PIK3C2G: variants seen among roughly 807,000 people sequenced by gnomAD.
PIK3C2G encodes phosphatidylinositol 3-kinase C2 domain-containing subunit gamma.
In PIK3C2G, 168 loss-of-function variants were observed where a neutral mutation model predicts 181.1. The ratio of observed to expected loss-of-function variants is 0.93; its 90% CI spans 0.82 to 1.05. The LOEUF is 1.05. PIK3C2G is among the 50% of genes least tolerant of loss of function. PIK3C2G has a pLI of 0.00. For missense variants in PIK3C2G, 1,869 were observed against 1,732.8 expected (o/e 1.08, Z -1.40); for synonymous variants, 573 against 592.2 (o/e 0.97, Z 0.47).
chr12:18,292,572 T>C (rs1311525783), intron 4 of PIK3C2G, among the ~76,000 whole-genome samples: 2 of 152,012 alleles, frequency 1.3e-5, no homozygotes, highest in African/African-American at 2.4e-5. Context: ...AGAAAGACCA[T>C]AGGTTGGGTC....
intron 29 of PIK3C2G, among the ~76,000 whole-genome samples, chr12:18,591,184 C>T (rs1467961645): frequency 6.6e-6 from 1 of 151,854 alleles, no homozygotes; most frequent in Non-Finnish European, 1.5e-5. Context: ...TAAACAAGTT[C>T]ACAAGAGATC....
intron 30 of PIK3C2G, chr12:18,607,253 A>G: frequency 2.1e-6 from 1 of 486,164 alleles, no homozygotes; most frequent in Admixed American, 2.2e-5. Context: ...AAACTACTAG[A>G]AAGAAATAGT....
At position 18,282,395 on chromosome 12, in the gene PIK3C2G, C is replaced by A. The variant is rs757216107; in HGVS notation, c.314C>A (p.Pro105Gln). 2.5e-6 allele frequency: 4 copies of A among 1,613,270 alleles called. No homozygotes were observed. Among genetic ancestry groups the A allele is most frequent in the Non-Finnish European group, 3.4e-6 (4 of 1,179,418 alleles). ...TCCTGGCATCAAGTTAGCAAAGCACCAGCAATTGGTTTTAGTCCTTCTGTG... is the reference window on the plus strand; with the variant it reads ...TCCTGGCATCAAGTTAGCAAAGCACAAGCAATTGGTTTTAGTCCTTCTGTG... Reference protein sequence around the residue: ...ELSWHQVSKAPAIGFSPSVLP... With the variant: ...ELSWHQVSKAQAIGFSPSVLP... The change falls in exon 2 of 33, where the codon CCA (proline) becomes CAA (glutamine). Residue 105 changes from proline (P) to glutamine (Q), a missense_variant. Physicochemically the swap from Pro to Gln is moderately conservative, Grantham distance 76 (BLOSUM62 -1). Transcript: ENST00000538779.
At chr12:18,516,518 A>G (rs551617277) in intron 24 of PIK3C2G, among the ~76,000 whole-genome samples, 2 of 152,206 alleles carry the variant, frequency 1.3e-5, no homozygotes, top group South Asian at 4.1e-4. Flanking sequence ...ACAATGTCAT[A>G]GATTTGGAAA....
chr12:18,385,208 T>C (rs1193412058), intron 14 of PIK3C2G, among the ~76,000 whole-genome samples: 2 of 152,184 alleles, frequency 1.3e-5, no homozygotes, highest in African/African-American at 4.8e-5. Flanking sequence ...TAAGCCTACC[T>C]GACTTCACTT....
At chr12:18,702,464 T>C in the PIK3C2G span, among the ~76,000 whole-genome samples, 3 of 152,190 alleles carry the variant, frequency 2.0e-5, no homozygotes, top group Non-Finnish European at 2.9e-5. Flanking sequence ...CTCTGTTATA[T>C]ACAATGCTGA....
intron 17 of PIK3C2G, among the ~76,000 whole-genome samples, chr12:18,422,190 A>C (rs1945524078): frequency 6.6e-6 from 1 of 152,108 alleles, no homozygotes; most frequent in African/African-American, 2.4e-5. Flanking sequence ...TGTATAAGAC[A>C]GTGTGCACAC....
the PIK3C2G span, among the ~76,000 whole-genome samples, chr12:18,697,167 C>G: frequency 3.6e-4 from 54 of 152,068 alleles, no homozygotes; most frequent in Non-Finnish European, 4.9e-4. Flanking sequence ...AGTGACTCAT[C>G]ATGGGAGAAT....
At chr12:18,666,984 A>G in the PIK3C2G span, among the ~76,000 whole-genome samples, 1 of 152,228 alleles carries the variant, frequency 6.6e-6, no homozygotes, top group African/African-American at 2.4e-5. Flanking sequence ...GAAAGTAGCA[A>G]TCATGGCCTA....
the PIK3C2G span, among the ~76,000 whole-genome samples, chr12:18,717,265 G>A: frequency 6.6e-6 from 1 of 151,832 alleles, no homozygotes; most frequent in Admixed American, 6.6e-5. Flanking sequence ...AAAAATGAAT[G>A]GAAATTCCTA....
chr12:18,517,490 A>T (rs1942628592), intron 24 of PIK3C2G, among the ~76,000 whole-genome samples: 1 of 152,040 alleles, frequency 6.6e-6, no homozygotes, highest in Admixed American at 6.6e-5. Context: ...TTCTCTTTGT[A>T]GCAGTTGTGA....
At chr12:18,369,820 CAT>C (rs1480891117) in intron 12 of PIK3C2G, among the ~76,000 whole-genome samples, 1 of 13,932 alleles carries the variant, frequency 7.2e-5, no homozygotes, top group African/African-American at 3.8e-4. Context: ...GTATAATTGA[CAT>C]ATGATCATAT....
At chr12:18,591,533 A>C (rs1947080218) in intron 29 of PIK3C2G, among the ~76,000 whole-genome samples, 1 of 151,894 alleles carries the variant, frequency 6.6e-6, no homozygotes, top group Admixed American at 6.6e-5. Context: ...AAATATAGGA[A>C]GACAAGGAAG....
At chr12:18,676,986 T>G in the PIK3C2G span, among the ~76,000 whole-genome samples, 1 of 152,138 alleles carries the variant, frequency 6.6e-6, no homozygotes, top group Non-Finnish European at 1.5e-5. Context: ...ACAACTTTGT[T>G]GCTTACTGAA....
intron 20 of PIK3C2G, chr12:18,493,659 C>T (rs1940769537): frequency 6.6e-6 from 1 of 152,158 alleles, no homozygotes; most frequent in Non-Finnish European, 1.5e-5. Flanking sequence ...GATTGTGCAC[C>T]AGAGGGTTCA....
At chr12:18,391,329 C>T in intron 15 of PIK3C2G, 77 bp downstream of exon 15, 2 of 1,101,430 alleles carry the variant, frequency 1.8e-6, no homozygotes. Flanking sequence ...AGCATGATAG[C>T]TTCAAAGAGT....
intron 24 of PIK3C2G, among the ~76,000 whole-genome samples, chr12:18,528,065 A>G (rs1366431166): frequency 6.6e-6 from 1 of 152,102 alleles, no homozygotes; most frequent in African/African-American, 2.4e-5. Flanking sequence ...TCTTTCTATA[A>G]TAGTACATGC....
intron 22 of PIK3C2G, among the ~76,000 whole-genome samples, chr12:18,498,526 T>A (rs1941188702): frequency 6.6e-6 from 1 of 152,098 alleles, no homozygotes; most frequent in South Asian, 2.1e-4. Flanking sequence ...AACAAAGGGA[T>A]GAAATCATAG....
chr12:18,699,316 A>C, the PIK3C2G span, among the ~76,000 whole-genome samples: 3 of 152,046 alleles, frequency 2.0e-5, no homozygotes, highest in Non-Finnish European at 4.4e-5. Context: ...CTCCACTCTC[A>C]CTGCCAGAAA....
Sources: gnomAD v4.1 joint callset for allele counts (sites outside exome capture counted in the v4.1 genomes callset) on GRCh38, gnomAD v4.1.1 for gene constraint, MANE v1.5 for transcripts, NCBI Gene and HGNC (gene_info 2026-07-23, HGNC 2026-07-21) for gene names.